The following SLC2A1 variants were observed in gnomAD, a reference collection of about 807,000 sequenced individuals.
SLC2A1 encodes solute carrier family 2, facilitated glucose transporter member 1.
SLC2A1 carries 4 observed loss-of-function variants against 46.6 expected under a neutral mutation model. The ratio of observed to expected loss-of-function variants is 0.09; its 90% confidence interval spans 0.04 to 0.20. The LOEUF (loss-of-function observed/expected upper bound fraction) is 0.20. SLC2A1 is among the 10% of genes least tolerant of loss of function. SLC2A1 has a pLI of 1.00. For missense variants in SLC2A1, 352 were observed against 667.0 expected (o/e 0.53, Z 5.20); for synonymous variants, 253 against 270.0 (o/e 0.94, Z 0.62).
intron 1 of SLC2A1, among the ~76,000 whole-genome samples, chr1:42,951,120 A>G (rs903545039): frequency 6.6e-6 from 1 of 152,206 alleles, no homozygotes; most frequent in African/African-American, 2.4e-5. Context: ...CGATAAAACT[A>G]TACCAAATCC....
At position 42,927,897 on chromosome 1, in the gene SLC2A1, C is replaced by A. The variant is rs60843691; in HGVS notation, c.1075-89G>T. ...AGAAGCTACAGAGGCCAGAGCAGAGCTATGCGAGAAGGCAGGAAGCCTGGG... is the reference window on the plus strand; with the variant it reads ...AGAAGCTACAGAGGCCAGAGCAGAGATATGCGAGAAGGCAGGAAGCCTGGG... On this transcript the variant is annotated intron_variant, in intron 8 of 9. Coordinates refer to ENST00000426263, the MANE Select transcript of SLC2A1 (RefSeq NM_006516.4). This position sits in a 1 kb window ranked among gnomAD's most constrained non-coding sequence, Gnocchi z 5.3. 1.0e-3 allele frequency: 1,050 copies of A among 1,026,904 alleles called. 10 individuals are homozygous for A. In the African/African-American group the frequency reaches 0.015, roughly 14 times the overall value. The allele number at this position is 1,026,904 out of a possible 1,614,324, so 63.6% of individuals were successfully genotyped here. A position where few individuals can be genotyped will look rare whatever the true frequency, so the allele number is the denominator to read the frequency against.
At chr1:42,951,334 A>G (rs1464253521) in intron 1 of SLC2A1, among the ~76,000 whole-genome samples, 2 of 150,618 alleles carry the variant, frequency 1.3e-5, no homozygotes, top group Non-Finnish European at 2.9e-5. Flanking sequence ...TGTTATGAAG[A>G]GTACCAGGGT....
intron 2 of SLC2A1, 30 bp downstream of exon 2, chr1:42,943,196 T>C: frequency 6.9e-7 from 1 of 1,449,046 alleles, no homozygotes; most frequent in Non-Finnish European, 9.7e-7. Context: ...CAGGCTGGTG[T>C]CCATAAGCCA....
chr1:42,926,282 T>C lies in SLC2A1; in HGVS notation c.*759A>G, dbSNP rs55946822. On this transcript the variant is annotated 3_prime_UTR_variant, in exon 10 of 10. Transcript: ENST00000426263. ...TATTTAATATTGACAACCAAAAATA[T>C]ATATAAATATCTTGCATCTATACAC... 6.5e-6 allele frequency: 1 copy of C among 153,084 alleles called. No homozygotes were observed. The highest frequency in any genetic ancestry group is 1.9e-4 in the East Asian group (1 of 5,198). 9.5% of individuals were successfully genotyped at this position (153,084 alleles called of 1,614,324 possible). A position where few individuals can be genotyped will look rare whatever the true frequency, so the allele number is the denominator to read the frequency against.
intron 2 of SLC2A1, 134 bp downstream of exon 2, chr1:42,943,092 T>G: frequency 1.4e-6 from 1 of 716,014 alleles, no homozygotes; most frequent in Non-Finnish European, 2.5e-6. Context: ...GCCAGAAAAC[T>G]GGCTGGAGAG....
chr1:42,935,143 C>A (rs149828687), intron 2 of SLC2A1, among the ~76,000 whole-genome samples: 34 of 152,262 alleles, frequency 2.2e-4, no homozygotes, highest in African/African-American at 8.2e-4. Context: ...ATGGTGTCGG[C>A]CAGCCTAGAG....
chr1:42,930,431 G>T lies in SLC2A1; in HGVS notation c.516+195C>A. 1.3e-6 allele frequency: 1 copy of T among 791,386 alleles called. No homozygotes were observed. Among genetic ancestry groups the T allele is most frequent in the Non-Finnish European group, 2.2e-6 (1 of 454,938 alleles). 49.0% of individuals were successfully genotyped at this position (791,386 alleles called of 1,614,324 possible). ...CCTAGAGTGAGAAGAAAGGGACTGA[G>T]AAGAGTCAAGTCATCTTGCTGTCAA... On this transcript the variant is annotated intron_variant, in intron 4 of 9. Transcript: ENST00000426263. The surrounding 1 kb of genome is among the most constrained non-coding windows in gnomAD (Gnocchi z 6.2).
chr1:42,933,033 GTGTGACCA>G (rs1418474024), intron 2 of SLC2A1, among the ~76,000 whole-genome samples: 1 of 152,192 alleles, frequency 6.6e-6, no homozygotes, highest in Non-Finnish European at 1.5e-5. Flanking sequence ...CTTATTTCCA[GTGTGACCA>G]TGAGCAAGTT....
At chr1:42,952,357 C>T (rs1557654496) in intron 1 of SLC2A1, 3 of 476,976 alleles carry the variant, frequency 6.3e-6, no homozygotes, top group South Asian at 1.5e-5. Context: ...CTCAGGCCCA[C>T]ACTCAGCCTA....
intron 2 of SLC2A1, among the ~76,000 whole-genome samples, chr1:42,933,668 G>A (rs193205288): frequency 2.0e-5 from 3 of 152,206 alleles, no homozygotes; most frequent in East Asian, 1.9e-4. Context: ...GTAATGCCCC[G>A]TTTATCAGGC....
intron 1 of SLC2A1, among the ~76,000 whole-genome samples, chr1:42,950,712 C>T (rs1399962635): frequency 6.6e-6 from 1 of 152,216 alleles, no homozygotes; most frequent in Non-Finnish European, 1.5e-5. Context: ...GTGGCTCACG[C>T]CTGTAATTCC....
rs3831326 is a variant in SLC2A1, at chr1:42,927,574, G to GGGTGAGAAAT, written c.1278+30_1278+31insATTTCTCACC. 776,513 of 1,566,558 alleles carry GGGTGAGAAAT rather than the reference G, an allele frequency of 0.5. 198,043 individuals are homozygous for GGGTGAGAAAT. The highest frequency in any genetic ancestry group is 0.78 in the African/African-American group (57,370 of 73,648). On this transcript the variant is annotated intron_variant, in intron 9 of 9. Transcript: ENST00000426263. This position sits in a 1 kb window ranked among gnomAD's most constrained non-coding sequence, Gnocchi z 5.3. ...CACAGCACTGTGGGGTCATGCGTGC[G>GGGTGAGAAAT]GGTGAGTATAGAGACAGTGGGGGTT...
chr1:42,926,787 CA>C lies in SLC2A1; in HGVS notation c.*253del, dbSNP rs533495666. 2 of 1,473,202 alleles carry C rather than the reference CA, an allele frequency of 1.4e-6. No homozygotes were observed. Among genetic ancestry groups the C allele is most frequent in the South Asian group, 2.5e-5 (2 of 80,406 alleles). The allele number at this position is 1,473,202 out of a possible 1,614,324, so 91.3% of individuals were successfully genotyped here. ...GAGACTCAGGCTGATATAAAAATAA[CA>C]AAATCAGTAATAAAAAAATTATAAA... is the stretch of plus-strand genomic sequence containing the variant. On this transcript the variant is annotated 3_prime_UTR_variant, in exon 10 of 10. Transcript: ENST00000426263.
chr1:42,926,759 C>T lies in SLC2A1; in HGVS notation c.*282G>A. On this transcript the variant is annotated 3_prime_UTR_variant, in exon 10 of 10. Transcript: ENST00000426263. ...CAGGGTGAAGCCTGGGATGTGGGCA[C>T]AGGAGACTCAGGCTGATATAAAAAT... 2.1e-6 allele frequency: 3 copies of T among 1,415,396 alleles called. No individual in the cohort carries two copies. Among genetic ancestry groups the T allele is most frequent in the Non-Finnish European group, 2.8e-6 (3 of 1,073,202 alleles). 87.7% of individuals were successfully genotyped at this position (1,415,396 alleles called of 1,614,324 possible). A position where few individuals can be genotyped will look rare whatever the true frequency, so the allele number is the denominator to read the frequency against.
Position 42,929,084 on chromosome 1 carries a change from C to T in SLC2A1, c.973-51G>A. On this transcript the variant is annotated intron_variant, in intron 7 of 9. Transcript: ENST00000426263. This position sits in a 1 kb window ranked among gnomAD's most constrained non-coding sequence, Gnocchi z 6.0. The stretch of plus-strand genomic sequence containing the variant: ...CACCCCTGCCTAGTGCCCTTCTGAA[C>T]CCACCCACCCAGAGGCCTTGCCTCA... The T allele has an allele frequency of 2.5e-6, 4 of 1,584,084 alleles. No homozygotes were observed. The highest frequency in any genetic ancestry group is 1.1e-5 in the South Asian group (1 of 90,502).
At chr1:42,943,905 A>AGATGT (rs547583646) in intron 1 of SLC2A1, among the ~76,000 whole-genome samples, 187 of 152,170 alleles carry the variant, frequency 1.2e-3, no homozygotes, top group African/African-American at 4.3e-3. Context: ...GTCACATTGG[A>AGATGT]GATGTGATCC....
chr1:42,952,188 A>G (rs2124471378), intron 1 of SLC2A1: 1 of 490,112 alleles, frequency 2.0e-6, no homozygotes, highest in African/African-American at 1.9e-5. Flanking sequence ...GGTGATCTTT[A>G]TATCACATTC....
At chr1:42,955,792 G>A (rs919120182) in intron 1 of SLC2A1, among the ~76,000 whole-genome samples, 4 of 152,194 alleles carry the variant, frequency 2.6e-5, no homozygotes, top group Admixed American at 6.5e-5. Flanking sequence ...TCACCCTTGC[G>A]TGCTGCCCAG....
rs571397006 is a variant in SLC2A1, at chr1:42,935,753, G to T, written c.115-4547C>A. On this transcript the variant is annotated intron_variant, in intron 2 of 9. Coordinates refer to ENST00000426263, the MANE Select transcript of SLC2A1 (RefSeq NM_006516.4). ...GCCAGGGCCAGACTCCAGCTCAGGG[G>T]AAGGAAGAGCTTTATAGACTTCAGG... Among the ~76,000 whole-genome samples the T allele has an allele frequency of 5.6e-4, 86 of 152,326 alleles. 1 individual carries two copies. Among genetic ancestry groups the T allele is most frequent in the African/African-American group, 2.0e-3 (83 of 41,576 alleles).
Sources: gnomAD v4.1 joint callset for allele counts (sites outside exome capture counted in the v4.1 genomes callset) on GRCh38, gnomAD v4.1.1 for gene constraint, Gnocchi (gnomAD v3.1) non-coding constraint, MANE v1.5 for transcripts, NCBI Gene and HGNC (gene_info 2026-07-23, HGNC 2026-07-21) for gene names.